The following ANK3 variants were observed in gnomAD, a reference collection of about 807,000 sequenced individuals.
ANK3 encodes the protein ankyrin-3.
In ANK3, 57 loss-of-function variants were observed where a neutral mutation model predicts 370.9. The ratio of observed to expected loss-of-function variants is 0.15; its 90% confidence interval spans 0.12 to 0.19. The LOEUF is 0.19. Among genes scored for constraint, ANK3 ranks in the 10% least tolerant of loss-of-function variants. The probability of loss-of-function intolerance (pLI) is 1.00; values close to 1 mark genes in which losing one functional copy is unlikely to be tolerated. For missense variants in ANK3, 4,439 were observed against 5,302.1 expected, an observed-to-expected ratio of 0.84 and a Z score of 5.06; for synonymous variants, 1,929 against 1,946.3, an observed-to-expected ratio of 0.99 and a Z score of 0.23.
At chr10:60,518,857 T>C (rs2076284825) in intron 2 of ANK3, among the ~76,000 whole-genome samples, 1 of 152,068 alleles carries the variant, frequency 6.6e-6, no homozygotes, top group Non-Finnish European at 1.5e-5. Flanking sequence ...CCTGAAGGCA[T>C]TTTGATAATT....
intron 1 of ANK3, among the ~76,000 whole-genome samples, chr10:60,632,086 T>A (rs2078491496): frequency 6.6e-6 from 1 of 152,200 alleles, no homozygotes; most frequent in Non-Finnish European, 1.5e-5. Flanking sequence ...GTGTTTCCCA[T>A]CAACTAGTTC....
chr10:60,262,109 G>A, intron 6 of ANK3, 152 bp from the exon 7 acceptor site: 1 of 632,794 alleles, frequency 1.6e-6, no homozygotes, highest in Non-Finnish European at 2.7e-6. Context: ...AGTGCCAATT[G>A]CTCACAGGGT....
chr10:60,522,077 A>T (rs2076361173), intron 2 of ANK3, among the ~76,000 whole-genome samples: 1 of 152,098 alleles, frequency 6.6e-6, no homozygotes, highest in Non-Finnish European at 1.5e-5. Context: ...TGTCAGCTCC[A>T]AGGGATTTGG....
At position 60,027,757 on chromosome 10, in the gene ANK3, A is replaced by AAAAC. The variant is rs2072474520; in HGVS notation, c.*2085_*2088dup. On this transcript the variant is annotated 3_prime_UTR_variant, in exon 44 of 44. Coordinates refer to ENST00000280772, the MANE Select transcript of ANK3 (RefSeq NM_020987.5). ...TAAGCTGGTAACTAGAATAAAAGTT[A>AAAAC]AAACAGCCATGGTCTCTGCCTCAGT... 2 of 152,242 alleles carry AAAAC rather than the reference A, an allele frequency of 1.3e-5. No homozygotes were observed. Among genetic ancestry groups the AAAAC allele is most frequent in the African/African-American group, 2.4e-5 (1 of 41,462 alleles). 9.4% of individuals were successfully genotyped at this position (152,242 alleles called of 1,614,324 possible).
At chr10:60,228,567 A>G (rs549684303) in intron 8 of ANK3, among the ~76,000 whole-genome samples, 3 of 152,078 alleles carry the variant, frequency 2.0e-5, no homozygotes, top group Admixed American at 1.3e-4. Context: ...AAACATACAA[A>G]GGTGCTTTTA....
chr10:60,553,905 G>A (rs1452101102), intron 2 of ANK3, among the ~76,000 whole-genome samples: 1 of 152,086 alleles, frequency 6.6e-6, no homozygotes, highest in Non-Finnish European at 1.5e-5. Flanking sequence ...TGGAGTCCAA[G>A]GACTGAGCTG....
intron 40 of ANK3, chr10:60,060,729 G>A (rs1169074136): frequency 5.3e-5 from 8 of 152,166 alleles, no homozygotes; most frequent in Admixed American, 5.2e-4. Context: ...AAAGGGTTGT[G>A]GAGTACATGA....
intron 2 of ANK3, among the ~76,000 whole-genome samples, chr10:60,451,257 G>C (rs183178565): frequency 6.6e-6 from 1 of 152,320 alleles, no homozygotes; most frequent in Non-Finnish European, 1.5e-5. Context: ...CTGGCCTCCA[G>C]AAGCCTGTAA....
intron 2 of ANK3, among the ~76,000 whole-genome samples, chr10:60,575,137 C>A (rs1223753914): frequency 6.6e-6 from 1 of 152,108 alleles, no homozygotes; most frequent in Admixed American, 6.5e-5. Flanking sequence ...TTATAAAATT[C>A]TTTTTAAACT....
intron 1 of ANK3, among the ~76,000 whole-genome samples, chr10:60,353,910 C>T (rs1056882088): frequency 1.3e-5 from 2 of 152,220 alleles, no homozygotes; most frequent in Non-Finnish European, 2.9e-5. Flanking sequence ...AGCAGAGCTA[C>T]GTGCATTGTT....
chr10:60,426,360 C>T (rs10821763), intron 2 of ANK3, among the ~76,000 whole-genome samples: 17,595 of 152,088 alleles, frequency 0.12, 1,253 homozygotes, highest in South Asian at 0.17. Context: ...CCTCAAGTTG[C>T]GATACTACTG....
intron 1 of ANK3, among the ~76,000 whole-genome samples, chr10:60,666,364 A>G (rs1406044382): frequency 6.6e-6 from 1 of 152,200 alleles, no homozygotes; most frequent in Admixed American, 6.5e-5. Flanking sequence ...TCACAAAGAC[A>G]GAAAGTAGAT....
At chr10:60,427,702 TA>T (rs2063920186) in intron 2 of ANK3, among the ~76,000 whole-genome samples, 1 of 152,152 alleles carries the variant, frequency 6.6e-6, no homozygotes, top group Admixed American at 6.5e-5. Flanking sequence ...CATGAAATTT[TA>T]ATGTTTTTGA....
intron 43 of ANK3, among the ~76,000 whole-genome samples, chr10:60,042,015 A>G (rs543441938): frequency 6.6e-6 from 1 of 152,358 alleles, no homozygotes; most frequent in Admixed American, 6.5e-5. Flanking sequence ...TTTTCACCCC[A>G]TATGGCCTAA....
At position 60,651,750 on chromosome 10, in the gene ANK3, T is replaced by C. The variant is rs116287931; in HGVS notation, c.58-36526A>G. On this transcript the variant is annotated intron_variant, in intron 1 of 43. Coordinates refer to the ANK3 transcript ENST00000373827. ...TATCTACTTTGTTGGGTTTTTATGA[T>C]GAAGACTTATATTTGTGGTAGTGCT... Among the ~76,000 whole-genome samples, 318 of 152,256 alleles carry C rather than the reference T, an allele frequency of 2.1e-3. 1 individual carries two copies. The highest frequency in any genetic ancestry group is 7.0e-3 in the African/African-American group (291 of 41,562).
intron 4 of ANK3, among the ~76,000 whole-genome samples, chr10:60,271,210 G>T (rs187794771): frequency 1.1e-4 from 16 of 151,504 alleles, no homozygotes; most frequent in Non-Finnish European, 2.9e-5. Context: ...ACAGGGTCTC[G>T]CTCCATTGCT....
chr10:60,191,338 T>C (rs1184061612), intron 16 of ANK3, among the ~76,000 whole-genome samples: 1 of 151,454 alleles, frequency 6.6e-6, no homozygotes, highest in Non-Finnish European at 1.5e-5. Context: ...ACTATGCATC[T>C]GACAAAGAAC....
Position 60,072,527 on chromosome 10 carries a change from A to G in ANK3, c.8354T>C (p.Met2785Thr), listed in dbSNP as rs2082926736. The change falls in exon 37 of 44, where the codon ATG becomes ACG. Residue 2785 changes from methionine (M) to threonine (T), a missense_variant. Around this residue, in one of 13 missense-constraint regions of ANK3, gnomAD observed 1,601 missense variants for 1,731.7 expected, o/e 0.92. Coordinates refer to ENST00000280772, the MANE Select transcript of ANK3 (RefSeq NM_020987.5). ...ATGCTCATCTTTGGTTTTTAATACCATAAAATCTTTTTGCACAGATACACT... is the reference window on the plus strand; with the variant it reads ...ATGCTCATCTTTGGTTTTTAATACCGTAAAATCTTTTTGCACAGATACACT... ...DESVSVQKDF[M>T]VLKTKDEHAQ... The G allele has an allele frequency of 2.5e-6, 4 of 1,613,654 alleles. No individual in the cohort carries two copies. The African/African-American group carries it at 5.3e-5, about 22-fold the overall frequency.
chr10:60,173,181 T>A lies in ANK3; in HGVS notation c.2190A>T (p.Gly730=). 6.2e-7 allele frequency: 1 copy of A among 1,608,454 alleles called. No individual in the cohort carries two copies. Among genetic ancestry groups the A allele is most frequent in the Non-Finnish European group, 8.5e-7 (1 of 1,176,240 alleles). ...GGCAGCCCACATGCAGTGGTGTGTA[T>A]CCCATCTGTAATTATTATTTTTTTA... ...GAHVDAQTKM[G]YTPLHVGCHY... The change falls in exon 19 of 44, where the codon GGA becomes GGT. Residue 730 remains glycine, a synonymous_variant. Coordinates refer to ENST00000280772, the MANE Select transcript of ANK3 (RefSeq NM_020987.5).
Sources: gnomAD v4.1 joint callset for allele counts (sites outside exome capture counted in the v4.1 genomes callset) on GRCh38, gnomAD v4.1.1 for gene constraint, gnomAD v4.1.1 regional missense constraint, MANE v1.5 for transcripts, NCBI Gene and HGNC (gene_info 2026-07-23, HGNC 2026-07-21) for gene names.